ATG5: variants seen among roughly 807,000 people sequenced by gnomAD.
ATG5 encodes autophagy related 5.
A neutral mutation model predicts 36.5 loss-of-function variants in ATG5; 14 were observed. That is an observed-to-expected ratio of 0.38 (90% CI 0.25 to 0.60). The LOEUF is 0.60. Among genes scored for constraint, ATG5 ranks in the 20% least tolerant of loss-of-function variants. The pLI is 0.60. For missense variants in ATG5, 195 were observed against 326.7 expected, an observed-to-expected ratio of 0.60 and a Z score of 3.11; for synonymous variants, 95 against 101.5, an observed-to-expected ratio of 0.94 and a Z score of 0.38.
At chr6:106,312,934 A>C (rs1288694752) in intron 2 of ATG5, among the ~76,000 whole-genome samples, 1 of 152,240 alleles carries the variant, frequency 6.6e-6, no homozygotes, top group East Asian at 1.9e-4. Flanking sequence ...CCTTTTTAAG[A>C]AGTCTAGCCA....
At chr6:106,196,667 G>C (rs755856590) in intron 7 of ATG5, among the ~76,000 whole-genome samples, 37 of 151,808 alleles carry the variant, frequency 2.4e-4, no homozygotes, top group East Asian at 1.4e-3. Context: ...GGGTTGCAGT[G>C]AGCTGAGATG....
intron 5 of ATG5, among the ~76,000 whole-genome samples, chr6:106,250,481 C>T (rs978277438): frequency 6.6e-6 from 1 of 152,200 alleles, no homozygotes; most frequent in Non-Finnish European, 1.5e-5. Context: ...TCTTGGTCTT[C>T]CGATTCAAAG....
chr6:106,248,903 A>T (rs529940696), intron 5 of ATG5, among the ~76,000 whole-genome samples: 35 of 152,292 alleles, frequency 2.3e-4, no homozygotes, highest in African/African-American at 8.2e-4. Context: ...ACGCCATTGC[A>T]CTCCAGCCTG....
At chr6:106,249,410 T>C (rs2114517346) in intron 5 of ATG5, among the ~76,000 whole-genome samples, 1 of 152,342 alleles carries the variant, frequency 6.6e-6, no homozygotes, top group South Asian at 2.1e-4. Context: ...TCCATTCATG[T>C]TGTAGTATGT....
intron 7 of ATG5, 119 bp from the exon 8 acceptor site, chr6:106,186,795 G>T: frequency 8.4e-7 from 1 of 1,192,102 alleles, no homozygotes; most frequent in South Asian, 1.5e-5. Flanking sequence ...TTTGTCCCCT[G>T]AACAGGAAAT....
chr6:106,297,481 G>A (rs1427755530), intron 3 of ATG5, among the ~76,000 whole-genome samples: 5 of 152,106 alleles, frequency 3.3e-5, no homozygotes, highest in African/African-American at 9.7e-5. Flanking sequence ...TTAGATGCAA[G>A]AAGGGCCAGA....
chr6:106,322,045 C>A (rs1436278206), intron 1 of ATG5, among the ~76,000 whole-genome samples: 1 of 152,172 alleles, frequency 6.6e-6, no homozygotes, highest in Admixed American at 6.5e-5. Flanking sequence ...CCCTCTCCTA[C>A]ATACACTACA....
chr6:106,230,296 G>A (rs57551512), intron 6 of ATG5, among the ~76,000 whole-genome samples: 2,836 of 152,234 alleles, frequency 0.019, 30 homozygotes, highest in Middle Eastern at 0.041. Context: ...TCTCTGAAAC[G>A]AATTTGCCTA....
At chr6:106,292,991 C>A in intron 4 of ATG5, 37 bp downstream of exon 4, 1 of 1,530,566 alleles carries the variant, frequency 6.5e-7, no homozygotes, top group Non-Finnish European at 9.0e-7. Flanking sequence ...TATTATGTAT[C>A]ACAAATGGGA....
rs1775759848 is a variant in ATG5 at position 106,186,185 on chromosome 6, A to G, written c.*355T>C. The G allele has an allele frequency of 5.3e-6, 1 of 190,186 alleles. No individual in the cohort carries two copies. The highest frequency in any genetic ancestry group is 2.3e-5 in the African/African-American group (1 of 43,000). The allele number at this position is 190,186 out of a possible 1,614,324, so 11.8% of individuals were successfully genotyped here. ...AAAGTTCAACCATGGTCACCTTAGG[A>G]AATACCCCTGTTTATTTGTTAATCA... is the stretch of plus-strand genomic sequence containing the variant. On this transcript the variant is annotated 3_prime_UTR_variant, in exon 8 of 8. Coordinates refer to ENST00000369076, the MANE Select transcript of ATG5 (RefSeq NM_004849.4).
intron 6 of ATG5, among the ~76,000 whole-genome samples, chr6:106,220,302 T>C (rs1042367927): frequency 5.9e-5 from 9 of 152,330 alleles, no homozygotes; most frequent in African/African-American, 2.2e-4. Context: ...ACTGTACTTA[T>C]ATCATCTCCT....
At chr6:106,279,417 A>G (rs548351359) in intron 5 of ATG5, among the ~76,000 whole-genome samples, 1 of 152,346 alleles carries the variant, frequency 6.6e-6, no homozygotes, top group African/African-American at 2.4e-5. Flanking sequence ...ACCCAAGTTT[A>G]TATGACATAT....
chr6:106,300,827 A>G (rs1196236121), intron 3 of ATG5, among the ~76,000 whole-genome samples: 1 of 151,278 alleles, frequency 6.6e-6, no homozygotes, highest in East Asian at 1.9e-4. Context: ...AAGAGTATGT[A>G]TTTTTTTTTA....
At chr6:106,247,145 T>TA (rs1582605546) in intron 6 of ATG5, among the ~76,000 whole-genome samples, 1 of 152,182 alleles carries the variant, frequency 6.6e-6, no homozygotes, top group Non-Finnish European at 1.5e-5. Context: ...GAACTATTGG[T>TA]AAAGACTGTG....
At chr6:106,256,229 T>G (rs1439722284) in intron 5 of ATG5, among the ~76,000 whole-genome samples, 1 of 152,212 alleles carries the variant, frequency 6.6e-6, no homozygotes, top group Non-Finnish European at 1.5e-5. Flanking sequence ...TAGAAAACAC[T>G]ATTAATCTGT....
At chr6:106,245,056 A>C (rs1778276845) in intron 6 of ATG5, among the ~76,000 whole-genome samples, 1 of 152,168 alleles carries the variant, frequency 6.6e-6, no homozygotes, top group African/African-American at 2.4e-5. Context: ...TCATCTCTAG[A>C]ATACTGGCTA....
At chr6:106,279,938 C>T in intron 4 of ATG5, 115 bp from the exon 5 acceptor site, 1 of 679,636 alleles carries the variant, frequency 1.5e-6, no homozygotes. Context: ...TATCTCTTAG[C>T]ACTGAAATAA....
chr6:106,207,634 A>T (rs1056278025), intron 6 of ATG5, among the ~76,000 whole-genome samples: 1 of 152,240 alleles, frequency 6.6e-6, no homozygotes, highest in Non-Finnish European at 1.5e-5. Context: ...TATTAACATT[A>T]ACGTTGATAA....
chr6:106,207,280 A>C (rs1256815773), intron 6 of ATG5, among the ~76,000 whole-genome samples: 1 of 152,196 alleles, frequency 6.6e-6, no homozygotes, highest in Non-Finnish European at 1.5e-5. Context: ...GGAAATTTAC[A>C]GTGTTGATAT....
Sources: allele counts gnomAD v4.1 joint callset (sites outside exome capture counted in the v4.1 genomes callset), GRCh38; gene constraint gnomAD v4.1.1; transcripts MANE v1.5; gene names NCBI Gene and HGNC (gene_info 2026-07-23, HGNC 2026-07-21).